The following CEP350 variants were observed in gnomAD, a reference collection of about 807,000 sequenced individuals.
The protein encoded by CEP350 is centrosomal protein 350.
In CEP350, 126 loss-of-function variants were observed where a neutral mutation model predicts 331.8. That is an observed-to-expected ratio of 0.38 (90% CI 0.33 to 0.44). The LOEUF is 0.44. Among genes scored for constraint, CEP350 ranks in the 20% least tolerant of loss-of-function variants. The pLI is 1.00. For missense variants in CEP350, 3,406 were observed against 3,634.6 expected (o/e 0.94, Z 1.62); for synonymous variants, 1,200 against 1,259.5 (o/e 0.95, Z 1.00).
At chr1:180,035,081 T>C (rs1019384468) in intron 16 of CEP350, among the ~76,000 whole-genome samples, 6 of 152,212 alleles carry the variant, frequency 3.9e-5, no homozygotes, top group Non-Finnish European at 7.3e-5. Flanking sequence ...ATTGCTGATA[T>C]GGAGAAAGTT....
intron 16 of CEP350, among the ~76,000 whole-genome samples, chr1:180,034,288 G>A (rs1656205890): frequency 6.6e-6 from 1 of 152,092 alleles, no homozygotes; most frequent in African/African-American, 2.4e-5. Context: ...CATCTTGTCA[G>A]CCAGCATTAG....
intron 3 of CEP350, 74 bp downstream of exon 3, chr1:179,987,360 A>G: frequency 2.6e-6 from 2 of 761,486 alleles, no homozygotes; most frequent in East Asian, 6.0e-5. Context: ...ATAGATTAAA[A>G]TGTTTTCCAT....
chr1:180,091,252 C>CA (rs1660180877), intron 33 of CEP350, among the ~76,000 whole-genome samples: 1 of 151,722 alleles, frequency 6.6e-6, no homozygotes, highest in South Asian at 2.1e-4. Context: ...CTCTTGGACT[C>CA]ACGCAGTCCT....
At chr1:180,100,001 G>A (rs1227388264) in intron 37 of CEP350, among the ~76,000 whole-genome samples, 1 of 152,120 alleles carries the variant, frequency 6.6e-6, no homozygotes, top group African/African-American at 2.4e-5. Context: ...GGCCAGGCTG[G>A]TCTCAAACTC....
intron 8 of CEP350, among the ~76,000 whole-genome samples, chr1:180,010,691 T>G (rs1417023232): frequency 6.6e-6 from 1 of 151,948 alleles, no homozygotes; most frequent in East Asian, 1.9e-4. Context: ...ATCCTTGAAC[T>G]CTTGGGTTCA....
chr1:180,075,680 C>T (rs763443700), intron 28 of CEP350, among the ~76,000 whole-genome samples: 32 of 151,956 alleles, frequency 2.1e-4, no homozygotes, highest in Non-Finnish European at 8.8e-5. Flanking sequence ...TGTGGCTAGG[C>T]GCGGTGGCTC....
chr1:180,096,610 G>A (rs1660493845), intron 36 of CEP350, among the ~76,000 whole-genome samples: 1 of 152,114 alleles, frequency 6.6e-6, no homozygotes, highest in Non-Finnish European at 1.5e-5. Context: ...TGCCAGCCCT[G>A]GACACATAGG....
At chr1:179,967,565 C>T (rs1010327131) in intron 1 of CEP350, among the ~76,000 whole-genome samples, 4 of 152,094 alleles carry the variant, frequency 2.6e-5, no homozygotes, top group African/African-American at 9.7e-5. Context: ...ACATGCACCA[C>T]CACGTCCAGC....
At chr1:179,981,194 TTC>T (rs1424650880) in intron 1 of CEP350, among the ~76,000 whole-genome samples, 1 of 152,150 alleles carries the variant, frequency 6.6e-6, no homozygotes, top group African/African-American at 2.4e-5. Flanking sequence ...AATTCAGTAC[TTC>T]CAGTGAATTT....
At chr1:179,966,992 C>CAGA (rs1400018075) in intron 1 of CEP350, among the ~76,000 whole-genome samples, 2 of 152,088 alleles carry the variant, frequency 1.3e-5, no homozygotes, top group Non-Finnish European at 2.9e-5. Flanking sequence ...AAATTAAAAA[C>CAGA]CTTAGACAAA....
At chr1:180,054,024 T>C in intron 24 of CEP350, 90 bp downstream of exon 24, 1 of 1,023,204 alleles carries the variant, frequency 9.8e-7, no homozygotes. Flanking sequence ...CTCATTTCAT[T>C]TGATTAGAGC....
At chr1:179,966,923 G>T (rs1331253544) in intron 1 of CEP350, among the ~76,000 whole-genome samples, 1 of 152,120 alleles carries the variant, frequency 6.6e-6, no homozygotes, top group Non-Finnish European at 1.5e-5. Context: ...TTGTCACTTG[G>T]TGTTCCTGGG....
Position 180,092,894 on chromosome 1 carries a change from T to C in CEP350, c.6789T>C (p.Tyr2263=). The C allele has an allele frequency of 6.4e-7, 1 of 1,570,582 alleles. No homozygotes were observed. The highest frequency in any genetic ancestry group is 8.6e-7 in the Non-Finnish European group (1 of 1,156,276). The change falls in exon 34 of 38, where the codon TAT becomes TAC. Residue 2263 remains tyrosine (Y), a synonymous_variant. Transcript: ENST00000367607. ...AATCAGAAATAAAAGAAATAGAGTATACAAAATTGAAGAAGAGTAAGATTG... is the reference window on the plus strand; with the variant it reads ...AATCAGAAATAAAAGAAATAGAGTACACAAAATTGAAGAAGAGTAAGATTG... ...SKKSEIKEIE[Y]TKLKKSKIED... is the part of the protein sequence containing the mutation.
At chr1:180,006,038 T>G (rs1654233656) in intron 7 of CEP350, among the ~76,000 whole-genome samples, 1 of 152,208 alleles carries the variant, frequency 6.6e-6, no homozygotes, top group Admixed American at 6.5e-5. Flanking sequence ...TAAAGAGGCC[T>G]TAATTTAAGA....
Position 180,033,908 on chromosome 1 carries a change from C to G in CEP350, c.3772C>G (p.Leu1258Val). 6.2e-7 allele frequency: 1 copy of G among 1,613,906 alleles called. No individual in the cohort carries two copies. Among genetic ancestry groups the G allele is most frequent in the Non-Finnish European group, 8.5e-7 (1 of 1,179,820 alleles). Reference sequence around the variant, plus strand: ...ATCTCAGAAAACTCCAACTTCTCCCCTGTCACCAAGTTCCCAGAAATCATT... The same window carrying G: ...ATCTCAGAAAACTCCAACTTCTCCCGTGTCACCAAGTTCCCAGAAATCATT... ...GRSQKTPTSPLSPSSQKSLQF... is the reference protein window; with the variant it reads ...GRSQKTPTSPVSPSSQKSLQF... Residue 1258 changes from leucine (L) to valine (V), a missense_variant, in exon 16 of 38, where the codon CTG (leucine) becomes GTG (valine). By Grantham distance (32) the Leu-to-Val change is conservative. Coordinates refer to ENST00000367607, the MANE Select transcript of CEP350 (RefSeq NM_014810.5).
intron 33 of CEP350, 76 bp from the exon 34 acceptor site, chr1:180,092,538 T>C (rs1660259391): frequency 2.5e-6 from 3 of 1,205,352 alleles, no homozygotes; most frequent in Non-Finnish European, 3.3e-6. Context: ...ATTTGGCTTT[T>C]CTCTAAACTT....
At position 180,107,218 on chromosome 1, in the gene CEP350, A is replaced by G. The variant is rs184274306; in HGVS notation, c.9190-3779A>G. The stretch of plus-strand genomic sequence containing the variant: ...ATAAATAAAAAGAAATGGCCCTTTA[A>G]GAGCTCACAGCCTAGTGGGAAAACA... On this transcript the variant is annotated intron_variant, in intron 37 of 37. Transcript: ENST00000367607. 2.0e-4 allele frequency among the ~76,000 whole-genome samples: 31 copies of G among 152,328 alleles called. No homozygotes were observed. The East Asian group carries it at 3.3e-3, about 16-fold the overall frequency.
intron 20 of CEP350, among the ~76,000 whole-genome samples, chr1:180,043,772 TTGTGTGTGTGTGTGTG>T (rs71118428): frequency 6.7e-6 from 1 of 148,542 alleles, no homozygotes; most frequent in Non-Finnish European, 1.5e-5. Context: ...ATTACCATAT[TTGTGTGTGTGTGTGTG>T]TGTGTGTGTG....
At chr1:180,075,324 C>A in intron 28 of CEP350, 103 bp downstream of exon 28, 2 of 1,183,348 alleles carry the variant, frequency 1.7e-6, no homozygotes, top group Non-Finnish European at 2.3e-6. Context: ...CAGTGGCTCA[C>A]GCCTGTAATC....
Sources: allele counts gnomAD v4.1 joint callset (sites outside exome capture counted in the v4.1 genomes callset), GRCh38; gene constraint gnomAD v4.1.1; transcripts MANE v1.5; gene names NCBI Gene and HGNC (gene_info 2026-07-23, HGNC 2026-07-21).